ITGB4: variants seen among roughly 807,000 people sequenced by gnomAD.
ITGB4 encodes integrin beta-4.
A neutral mutation model predicts 207.6 loss-of-function variants in ITGB4; 159 were observed. That is an observed-to-expected ratio of 0.77 (90% confidence interval 0.67 to 0.87). ITGB4 has a LOEUF of 0.87. Among genes scored for constraint, ITGB4 ranks in the 40% least tolerant of loss-of-function variants. The probability of loss-of-function intolerance (pLI) is 0.00; values close to 1 mark genes in which losing one functional copy is unlikely to be tolerated. For synonymous variants in ITGB4, 1,020 were observed against 1,062.7 expected, an observed-to-expected ratio of 0.96 and a Z score of 0.78; for missense variants, 2,278 against 2,546.8, an observed-to-expected ratio of 0.89 and a Z score of 2.27.
Position 75,756,607 on chromosome 17 carries a change from T to C in ITGB4, c.4887T>C (p.Cys1629=). 6.2e-7 allele frequency: 1 copy of C among 1,612,746 alleles called. No homozygotes were observed. Among genetic ancestry groups the C allele is most frequent in the Non-Finnish European group, 8.5e-7 (1 of 1,179,912 alleles). ...ESQVHPQSPL[C]PLPGSAFTLS... ...AGGTGCACCCGCAGAGCCCACTGTG[T>C]CCCCTGCCAGGTGAGTTGCCTCCCC... is the stretch of plus-strand genomic sequence containing the variant. Residue 1629 remains cysteine (C), a synonymous_variant, in exon 36 of 40, where the codon TGT becomes TGC. Transcript: ENST00000200181.
Position 75,755,776 on chromosome 17 carries a change from G to A in ITGB4, c.4634G>A (p.Arg1545Lys). ...TCTGCCCTGGGGCCCACATCTCTCA[G>A]AGTGAGCTGGCAGGAGCCGCGGTGC... ...VFSALGPTSL[R>K]VSWQEPRCER... Residue 1545 changes from arginine to lysine, a missense_variant, in exon 35 of 40, where the codon AGA becomes AAA. Coordinates refer to ENST00000200181, the MANE Select transcript of ITGB4 (RefSeq NM_000213.5). The A allele has an allele frequency of 6.2e-7, 1 of 1,612,560 alleles. No individual in the cohort carries two copies. The highest frequency in any genetic ancestry group is 8.5e-7 in the Non-Finnish European group (1 of 1,179,962).
At chr17:75,730,654 A>C in intron 8 of ITGB4, 150 bp downstream of exon 8, 2 of 1,079,904 alleles carry the variant, frequency 1.9e-6, no homozygotes, top group Non-Finnish European at 2.6e-6. Context: ...TCCCTTCCCA[A>C]AGCCTTTAGA....
intron 33 of ITGB4, 138 bp from the exon 34 acceptor site, chr17:75,754,438 T>C: frequency 9.4e-7 from 1 of 1,058,690 alleles, no homozygotes; most frequent in Non-Finnish European, 1.4e-6. Context: ...CTGTCCCTAG[T>C]GGTTTGAGGG....
chr17:75,725,466 C>T lies in ITGB4; in HGVS notation c.79+684C>T, dbSNP rs562959226. 2.6e-5 allele frequency among the ~76,000 whole-genome samples: 4 copies of T among 152,264 alleles called. 1 individual carries two copies. The highest frequency in any genetic ancestry group is 9.6e-5 in the African/African-American group (4 of 41,570). Reference sequence around the variant, plus strand: ...TAGCTAGGACCACAGGCATGCACCACCATGCCTGGCTAATTAAAAACAATT... The same window carrying T: ...TAGCTAGGACCACAGGCATGCACCATCATGCCTGGCTAATTAAAAACAATT... On this transcript the variant is annotated intron_variant, in intron 2 of 39. Coordinates refer to ENST00000200181, the MANE Select transcript of ITGB4 (RefSeq NM_000213.5).
At position 75,757,223 on chromosome 17, in the gene ITGB4, C is replaced by T. The variant is rs776315184; in HGVS notation, c.5242C>T (p.Arg1748Cys). 24 of 1,612,024 alleles carry T rather than the reference C, an allele frequency of 1.5e-5. No homozygotes were observed. In the East Asian group the frequency reaches 2.0e-4, roughly 13 times the overall value. Residue 1748 changes from arginine to cysteine, a missense_variant, in exon 39 of 40, where the codon CGT becomes TGT. Transcript: ENST00000200181. The stretch of plus-strand genomic sequence containing the variant: ...AGGACCCTTCCCGCAGCTGGGCAGC[C>T]GTGCCGGGCTCTTCCAGCACCCGCT... ...DGGPFPQLGS[R>C]AGLFQHPLQS...
At chr17:75,754,941 TGCACGCACACACGTGCACAC>T in intron 34 of ITGB4, 126 bp downstream of exon 34, 1 of 1,505,192 alleles carries the variant, frequency 6.6e-7, no homozygotes, top group Non-Finnish European at 9.1e-7. Context: ...CATGCACACA[TGCACGCACACACGTGCACAC>T]GCATGCACAC....
At chr17:75,745,604 C>A (rs1334925114) in intron 26 of ITGB4, among the ~76,000 whole-genome samples, 4 of 151,890 alleles carry the variant, frequency 2.6e-5, no homozygotes, top group Non-Finnish European at 5.9e-5. Flanking sequence ...AAAGGCCAGG[C>A]GAGGTGGCGT....
At chr17:75,756,147 G>C (rs1471764414) in intron 35 of ITGB4, among the ~76,000 whole-genome samples, 2 of 152,170 alleles carry the variant, frequency 1.3e-5, no homozygotes. Flanking sequence ...AGATGCCTTT[G>C]GGGGAACAAG....
rs201538482 is a variant in ITGB4 at position 75,728,444 on chromosome 17, C to T, written c.537C>T (p.Ser179=). Residue 179 remains serine, a synonymous_variant, in exon 6 of 40, where the codon AGC becomes AGT. Transcript: ENST00000200181. ...TTGGCAAGTTTGTGGACAAAGTCAG[C>T]GTCCCGCAGACGGACATGAGGCCTG... is the stretch of plus-strand genomic sequence containing the variant. The part of the protein sequence containing the change: ...IGFGKFVDKV[S]VPQTDMRPEK... The T allele has an allele frequency of 4.0e-5, 64 of 1,613,878 alleles. No homozygotes were observed. The highest frequency in any genetic ancestry group is 4.9e-5 in the Non-Finnish European group (58 of 1,179,886).
chr17:75,750,281 G>A lies in ITGB4; in HGVS notation c.3474+13G>A. On this transcript the variant is annotated intron_variant, in intron 28 of 39. Transcript: ENST00000200181. The surrounding 1 kb of genome is among the most constrained non-coding windows in gnomAD (Gnocchi z 5.5). The stretch of plus-strand genomic sequence containing the variant: ...AATGGGGTACAGGGTAAGGCGGGGG[G>A]CTGAGGGTCACGACAGGTGGATGGG... The A allele has an allele frequency of 6.2e-7, 1 of 1,603,570 alleles. No homozygotes were observed.
intron 16 of ITGB4, 47 bp downstream of exon 16, chr17:75,736,741 G>A (rs756017087): frequency 8.3e-6 from 13 of 1,568,254 alleles, no homozygotes; most frequent in South Asian, 3.5e-5. Context: ...CCTAGGCAGC[G>A]GGCATCCAAC....
rs866581 is a variant in ITGB4, at chr17:75,749,818, T to C, written c.3317-293T>C. On this transcript the variant is annotated intron_variant, in intron 27 of 39. Transcript: ENST00000200181. ...CTCAGGGTACAGTGTGGAGATGGGGTGGGGAGCAAATGTTCTCATGTGGAA... is the reference window on the plus strand; with the variant it reads ...CTCAGGGTACAGTGTGGAGATGGGGCGGGGAGCAAATGTTCTCATGTGGAA... 0.78 allele frequency among the ~76,000 whole-genome samples: 118,621 copies of C among 152,012 alleles called. 47,170 individuals carry two copies. Among genetic ancestry groups the C allele is most frequent in the Non-Finnish European group, 0.87 (59,356 of 67,992 alleles).
intron 13 of ITGB4, among the ~76,000 whole-genome samples, chr17:75,733,995 C>T (rs2060920205): frequency 6.6e-6 from 1 of 152,168 alleles, no homozygotes; most frequent in African/African-American, 2.4e-5. Context: ...CCCCACTTCT[C>T]CACACCCCTA....
Position 75,736,707 on chromosome 17 carries a change from G to A in ITGB4, c.1990+13G>A, listed in dbSNP as rs1240316990. Reference sequence around the variant, plus strand: ...GAGCTTAAGAGAGGTAGGGGCAGGGGCTGAGGGTTGGGGTTGCTGAGAGCC... The same window carrying A: ...GAGCTTAAGAGAGGTAGGGGCAGGGACTGAGGGTTGGGGTTGCTGAGAGCC... On this transcript the variant is annotated intron_variant, in intron 16 of 39. Coordinates refer to ENST00000200181, the MANE Select transcript of ITGB4 (RefSeq NM_000213.5). 5 of 1,589,048 alleles carry A rather than the reference G, an allele frequency of 3.1e-6. No homozygotes were observed. Among genetic ancestry groups the A allele is most frequent in the South Asian group, 1.2e-5 (1 of 86,906 alleles).
In ITGB4 at chr17:75,729,910, G is replaced by A. The variant is rs754455993; in HGVS notation, c.739-331G>A. ...TGTAATCCCAGCACTTTGGGAGGCC[G>A]AGGCGGGGGGATTGCTTGAATTCAG... On this transcript the variant is annotated intron_variant, in intron 7 of 39. Coordinates refer to ENST00000200181, the MANE Select transcript of ITGB4 (RefSeq NM_000213.5). This position sits in a 1 kb window ranked among gnomAD's most constrained non-coding sequence, Gnocchi z 4.4. Among the ~76,000 whole-genome samples, 12 of 152,220 alleles carry A rather than the reference G, an allele frequency of 7.9e-5. No individual in the cohort carries two copies. The highest frequency in any genetic ancestry group is 1.3e-4 in the Admixed American group (2 of 15,280).
Position 75,740,317 on chromosome 17 carries a change from T to C in ITGB4, c.2447-41T>C, listed in dbSNP as rs1194159901. 2 of 1,539,294 alleles carry C rather than the reference T, an allele frequency of 1.3e-6. No homozygotes were observed. Among genetic ancestry groups the C allele is most frequent in the Admixed American group, 1.7e-5 (1 of 58,472 alleles). On this transcript the variant is annotated intron_variant, in intron 20 of 39. Coordinates refer to ENST00000200181, the MANE Select transcript of ITGB4 (RefSeq NM_000213.5). The surrounding 1 kb of genome is among the most constrained non-coding windows in gnomAD (Gnocchi z 5.9). The stretch of plus-strand genomic sequence containing the variant: ...CTGTGGTGCCTGTCATGCAGGGGGC[T>C]GACCACCTCCATCTCACCCCCTCCC...
In ITGB4 at chr17:75,731,802, G is replaced by A. The variant is rs751813576; in HGVS notation, c.1216-10G>A. 1.6e-5 allele frequency: 25 copies of A among 1,573,126 alleles called. No homozygotes were observed. In the East Asian group the frequency reaches 3.1e-4, roughly 19 times the overall value. On this transcript the variant is annotated splice_polypyrimidine_tract_variant and intron_variant, in intron 10 of 39. Coordinates refer to ENST00000200181, the MANE Select transcript of ITGB4 (RefSeq NM_000213.5). The surrounding 1 kb of genome is among the most constrained non-coding windows in gnomAD (Gnocchi z 6.8). ...TGGGCCTGCCTTGGCTGACCACGGG[G>A]CCCCTGCAGGGTATATACCAGGTGC... is the stretch of plus-strand genomic sequence containing the variant.
At chr17:75,741,275 C>T (rs2061102973) in intron 23 of ITGB4, among the ~76,000 whole-genome samples, 1 of 152,182 alleles carries the variant, frequency 6.6e-6, no homozygotes, top group Non-Finnish European at 1.5e-5. Context: ...TGTCCAGCCC[C>T]CCACCCGGTA....
At chr17:75,723,664 C>G (rs2060660314) in intron 1 of ITGB4, among the ~76,000 whole-genome samples, 1 of 152,254 alleles carries the variant, frequency 6.6e-6, no homozygotes, top group Admixed American at 6.5e-5. Context: ...AAGGGCTTCT[C>G]CAGCACCTCG....
Sources: gnomAD v4.1 joint callset for allele counts (sites outside exome capture counted in the v4.1 genomes callset) on GRCh38, gnomAD v4.1.1 for gene constraint, Gnocchi (gnomAD v3.1) non-coding constraint, MANE v1.5 for transcripts, NCBI Gene and HGNC (gene_info 2026-07-23, HGNC 2026-07-21) for gene names.